Variants in CREBBP observed in about 807,000 individuals in gnomAD.
CREBBP encodes the protein CREB binding lysine acetyltransferase, also known as CREB-binding protein.
A neutral mutation model predicts 265.0 loss-of-function variants in CREBBP; 19 were observed. The ratio of observed to expected loss-of-function variants is 0.07; its 90% CI spans 0.05 to 0.11. The LOEUF (loss-of-function observed/expected upper bound fraction) is 0.11, where lower values mean the gene tolerates loss of function less well. Among genes scored for constraint, CREBBP ranks in the 10% least tolerant of loss-of-function variants. CREBBP has a pLI of 1.00. For synonymous variants in CREBBP, 1,457 were observed against 1,223.7 expected (o/e 1.19, Z -3.98); for missense variants, 2,525 against 3,219.0 (o/e 0.78, Z 5.22).
chr16:3,871,586 T>G (rs1402140291), intron 1 of CREBBP, among the ~76,000 whole-genome samples: 3 of 152,234 alleles, frequency 2.0e-5, no homozygotes, highest in Non-Finnish European at 4.4e-5. Context: ...CTTATTTAAA[T>G]GTTGTACAAG....
intron 11 of CREBBP, among the ~76,000 whole-genome samples, chr16:3,775,258 A>C (rs1490514217): frequency 6.6e-6 from 1 of 152,202 alleles, no homozygotes; most frequent in East Asian, 1.9e-4. Context: ...AAGCACCTTA[A>C]GCATTAAGAA....
chr16:3,823,813 C>T (rs74003415), intron 2 of CREBBP, among the ~76,000 whole-genome samples: 4,688 of 152,236 alleles, frequency 0.031, 166 homozygotes, highest in African/African-American at 0.085. Flanking sequence ...GCAAGGCACA[C>T]TTCTAGTCAG....
At chr16:3,865,642 A>AT (rs113662196) in intron 1 of CREBBP, among the ~76,000 whole-genome samples, 3,660 of 145,644 alleles carry the variant, frequency 0.025, 129 homozygotes, top group African/African-American at 0.081. Context: ...AAAGGAACTA[A>AT]TTTTTTTTTT....
chr16:3,879,208 C>T (rs1024243658), intron 1 of CREBBP, among the ~76,000 whole-genome samples: 1 of 144,192 alleles, frequency 6.9e-6, no homozygotes, highest in African/African-American at 2.6e-5. Flanking sequence ...AATGGAATGA[C>T]TAGTTGACTA....
intron 1 of CREBBP, among the ~76,000 whole-genome samples, chr16:3,856,290 AT>A: frequency 6.6e-6 from 1 of 152,112 alleles, no homozygotes; most frequent in East Asian, 1.9e-4. Context: ...CAAACAGCTC[AT>A]TTTTTATTTT....
intron 1 of CREBBP, among the ~76,000 whole-genome samples, chr16:3,863,534 AGAGGCTACCGT>A (rs2055118724): frequency 6.6e-6 from 1 of 152,156 alleles, no homozygotes; most frequent in Non-Finnish European, 1.5e-5. Flanking sequence ...CTCGGGAGGC[AGAGGCTACCGT>A]GAGCCGAGAT....
chr16:3,800,832 C>G (rs1167309859), intron 3 of CREBBP, among the ~76,000 whole-genome samples: 8 of 152,194 alleles, frequency 5.3e-5, no homozygotes, highest in African/African-American at 1.9e-4. Context: ...GTGTGAGAGG[C>G]TAGATTACAT....
At position 3,729,608 on chromosome 16, in the gene CREBBP, G is replaced by A. The variant is rs372253007; in HGVS notation, c.5439C>T (p.Asn1813=). 35 of 1,614,190 alleles carry A rather than the reference G, an allele frequency of 2.2e-5. No homozygotes were observed. The highest frequency in any genetic ancestry group is 1.7e-4 in the African/African-American group (13 of 75,064). The change falls in exon 31 of 31, where the codon AAC becomes AAT. Residue 1813 remains asparagine (N), a synonymous_variant. Transcript: ENST00000262367. The part of the protein sequence containing the change: ...QHTKGCKRKT[N]GGCPVCKQLI... ...GCTGCTTGCACACCGGGCAGCCCCC[G>A]TTGGTCTTGCGTTTGCAGCCCTTGG... is the stretch of plus-strand genomic sequence containing the variant.
chr16:3,805,929 G>C (rs1874778604), intron 3 of CREBBP, among the ~76,000 whole-genome samples: 2 of 152,300 alleles, frequency 1.3e-5, no homozygotes, highest in Middle Eastern at 3.4e-3. Flanking sequence ...GAGGGAATTA[G>C]GTGGAATTGG....
chr16:3,797,335 C>G (rs933373539), intron 3 of CREBBP, among the ~76,000 whole-genome samples: 1 of 152,240 alleles, frequency 6.6e-6, no homozygotes. Context: ...AATTTCTTTA[C>G]TTAAGTCCAG....
rs1394570614 is a variant in CREBBP, at chr16:3,726,156, G to A, written c.*1562C>T. ...AAACGCCACACGGGACATGCTGCGC[G>A]GCAGCGGCAGGATTTGGGGGGAAGT... On this transcript the variant is annotated 3_prime_UTR_variant, in exon 31 of 31. Coordinates refer to ENST00000262367, the MANE Select transcript of CREBBP (RefSeq NM_004380.3). 2.6e-5 allele frequency: 6 copies of A among 232,718 alleles called. No homozygotes were observed. Among genetic ancestry groups the A allele is most frequent in the Non-Finnish European group, 4.2e-5 (5 of 117,862 alleles). 14.4% of individuals were successfully genotyped at this position (232,718 alleles called of 1,614,324 possible).
At chr16:3,821,825 T>A (rs528730556) in intron 2 of CREBBP, among the ~76,000 whole-genome samples, 17 of 152,036 alleles carry the variant, frequency 1.1e-4, no homozygotes, top group African/African-American at 3.9e-4. Flanking sequence ...AGGTCAGGAG[T>A]TGGAGACCCG....
rs999024790 is a variant in CREBBP, at chr16:3,727,392, C to T, written c.*326G>A. ...ATGAATATAATGAACTTGTTTTTCCCGTTAAAAAAAGGCATGAGTCACCAG... is the reference window on the plus strand; with the variant it reads ...ATGAATATAATGAACTTGTTTTTCCTGTTAAAAAAAGGCATGAGTCACCAG... On this transcript the variant is annotated 3_prime_UTR_variant, in exon 31 of 31. Coordinates refer to ENST00000262367, the MANE Select transcript of CREBBP (RefSeq NM_004380.3). 15 of 293,410 alleles carry T rather than the reference C, an allele frequency of 5.1e-5. No individual in the cohort carries two copies. The highest frequency in any genetic ancestry group is 8.8e-5 in the African/African-American group (4 of 45,452). The allele number at this position is 293,410 out of a possible 1,614,324, so 18.2% of individuals were successfully genotyped here.
intron 2 of CREBBP, among the ~76,000 whole-genome samples, chr16:3,836,433 C>CAAAAAAAAAAA (rs564007443): frequency 9.3e-5 from 5 of 53,888 alleles, no homozygotes; most frequent in African/African-American, 2.6e-4. Flanking sequence ...GACTGTGTCT[C>CAAAAAAAAAAA]AAAAAAAAAA....
chr16:3,803,519 C>CA (rs926672466), intron 3 of CREBBP, among the ~76,000 whole-genome samples: 7 of 150,876 alleles, frequency 4.6e-5, no homozygotes, highest in East Asian at 3.9e-4. Context: ...ACAACAACAA[C>CA]AAAAAAAACA....
Position 3,767,986 on chromosome 16 carries a change from C to A in CREBBP, c.3061-77G>T, listed in dbSNP as rs560397572. On this transcript the variant is annotated intron_variant, in intron 15 of 30. Transcript: ENST00000262367. ...CCGCAACCTCACGGGAAGACTCTTA[C>A]AAGCCTAAAACAGGTTTGTTAAAAC... 1.3e-5 allele frequency: 18 copies of A among 1,416,718 alleles called. 1 individual carries two copies. The South Asian group carries it at 1.8e-4, about 14-fold the overall frequency. 87.8% of individuals were successfully genotyped at this position (1,416,718 alleles called of 1,614,324 possible).
At chr16:3,835,826 C>T (rs1014734133) in intron 2 of CREBBP, among the ~76,000 whole-genome samples, 8 of 151,726 alleles carry the variant, frequency 5.3e-5, no homozygotes, top group African/African-American at 1.9e-4. Flanking sequence ...GTGATCCACC[C>T]GCCTTGGCCT....
chr16:3,858,072 T>C (rs866996442), intron 1 of CREBBP, among the ~76,000 whole-genome samples: 1 of 152,172 alleles, frequency 6.6e-6, no homozygotes, highest in Non-Finnish European at 1.5e-5. Flanking sequence ...GCATGCAGAC[T>C]GTTAGGTGGG....
intron 1 of CREBBP, among the ~76,000 whole-genome samples, chr16:3,854,762 T>C: frequency 6.6e-6 from 1 of 152,204 alleles, no homozygotes. Context: ...TATGAAGACT[T>C]TCTTTGGGCT....
Sources: allele counts gnomAD v4.1 joint callset (sites outside exome capture counted in the v4.1 genomes callset), GRCh38; gene constraint gnomAD v4.1.1; transcripts MANE v1.5; gene names NCBI Gene and HGNC (gene_info 2026-07-23, HGNC 2026-07-21).